The following AVIL variants were observed in gnomAD, a reference collection of about 807,000 sequenced individuals.
AVIL encodes advillin.
In AVIL, 78 loss-of-function variants were observed where a neutral mutation model predicts 109.9. The observed-to-expected ratio is 0.71, with a 90% CI of 0.59 to 0.86. AVIL has a LOEUF of 0.86. Ranked by LOEUF, AVIL falls within the 40% of genes least tolerant of loss-of-function variation. AVIL has a pLI of 0.00. For synonymous variants in AVIL, 367 were observed against 379.1 expected, an observed-to-expected ratio of 0.97 and a Z score of 0.37; for missense variants, 892 against 1,016.5, an observed-to-expected ratio of 0.88 and a Z score of 1.67.
At chr12:57,801,049 C>G (rs1402627108) in intron 18 of AVIL, 95 bp downstream of exon 18, 1 of 996,196 alleles carries the variant, frequency 1.0e-6, no homozygotes, top group African/African-American at 1.6e-5. Context: ...ATACTAAGGA[C>G]ATGAGTTTTG....
Position 57,808,380 on chromosome 12 carries a change from T to TG in AVIL, c.1093+14dup, listed in dbSNP as rs34818124. 1 of 1,614,152 alleles carries TG rather than the reference T, an allele frequency of 6.2e-7. No homozygotes were observed. Among genetic ancestry groups the TG allele is most frequent in the East Asian group, 2.2e-5 (1 of 44,886 alleles). The stretch of plus-strand genomic sequence containing the variant: ...GAGTCTTAGCAATGAGAGGATGATC[T>TG]GGGGGCAGTCTCACCAATTTTACCA... On this transcript the variant is annotated intron_variant, in intron 10 of 19. Transcript: ENST00000549994.
At chr12:57,807,286 T>G in intron 13 of AVIL, 45 bp downstream of exon 13, 4 of 1,613,796 alleles carry the variant, frequency 2.5e-6, no homozygotes, top group Non-Finnish European at 3.4e-6. Context: ...TTTGTTAGTT[T>G]GGAACGTTCC....
chr12:57,801,063 G>T, intron 18 of AVIL, 81 bp downstream of exon 18: 2 of 1,194,530 alleles, frequency 1.7e-6, no homozygotes, highest in Non-Finnish European at 1.2e-6. Flanking sequence ...AGTTTTGCCT[G>T]TGAGCATCTG....
In AVIL at chr12:57,810,556, C is replaced by T. The variant is rs1565836503; in HGVS notation, c.559-5G>A. 1.2e-6 allele frequency: 2 copies of T among 1,612,846 alleles called. No individual in the cohort carries two copies. Among genetic ancestry groups the T allele is most frequent in the South Asian group, 2.2e-5 (2 of 91,022 alleles). On this transcript the variant is annotated splice_region_variant and splice_polypyrimidine_tract_variant and intron_variant, in intron 6 of 19. Coordinates refer to ENST00000549994, the MANE Select transcript of AVIL (RefSeq NM_006576.4). ...ATCCTTTGCCAGAAGCATAGCCTGT[C>T]AAAGAAGCCCAAGGAAGCCCTCAGC...
Position 57,810,895 on chromosome 12 carries a change from C to T in AVIL, c.479G>A (p.Gly160Asp), listed in dbSNP as rs1295862158. ...VEMSWDSFNR[G>D]DVFLLDLGKV... is the part of the protein sequence containing the mutation. ...CCCAAGGTCCAGCAAGAAGACATCACCTCGGTTGAAACTGTCCCAGCTCAT... is the reference window on the plus strand; with the variant it reads ...CCCAAGGTCCAGCAAGAAGACATCATCTCGGTTGAAACTGTCCCAGCTCAT... The change falls in exon 6 of 20, where the codon GGT becomes GAT. Residue 160 changes from glycine (G) to aspartate (D), a missense_variant. Coordinates refer to ENST00000549994, the MANE Select transcript of AVIL (RefSeq NM_006576.4). The T allele has an allele frequency of 6.2e-7, 1 of 1,614,178 alleles. No homozygotes were observed. Among genetic ancestry groups the T allele is most frequent in the Admixed American group, 1.7e-5 (1 of 60,022 alleles).
chr12:57,816,042 A>T lies in AVIL; in HGVS notation c.-2T>A, dbSNP rs1956097934. On this transcript the variant is annotated 5_prime_UTR_variant, in exon 2 of 20. Transcript: ENST00000549994. Reference sequence around the variant, plus strand: ...CCTGAAGGCACTGGTCAGAGGCATGATGCTTGTCTTTCCAGGACTGAAACA... The same window carrying T: ...CCTGAAGGCACTGGTCAGAGGCATGTTGCTTGTCTTTCCAGGACTGAAACA... The T allele has an allele frequency of 6.2e-7, 1 of 1,611,946 alleles. No individual in the cohort carries two copies. Among genetic ancestry groups the T allele is most frequent in the East Asian group, 2.2e-5 (1 of 44,860 alleles).
At chr12:57,803,780 C>T in intron 14 of AVIL, 111 bp from the exon 15 acceptor site, 1 of 1,390,028 alleles carries the variant, frequency 7.2e-7, no homozygotes, top group Non-Finnish European at 9.7e-7. Context: ...GCTACCAAAC[C>T]ACAGTCCCTC....
rs201733211 is a variant in AVIL, at chr12:57,814,206, C to T, written c.87G>A (p.Val29=). The change falls in exon 3 of 20, where the codon GTG becomes GTA. Residue 29 remains valine, a synonymous_variant. Transcript: ENST00000549994. ...AGAAGTTGCCGTGGGCGCTCACAGG[C>T]ACCAGCGCCAGCTCCATTTTCTGGA... ...WRIEKMELAL[V]PVSAHGNFYE... is the part of the protein sequence containing the mutation. The T allele has an allele frequency of 1.1e-4, 182 of 1,613,098 alleles. 1 individual carries two copies. In the East Asian group the frequency reaches 3.9e-3, roughly 34 times the overall value.
chr12:57,815,757 CTGT>C, intron 2 of AVIL: 3 of 1,444,684 alleles, frequency 2.1e-6, no homozygotes, highest in Non-Finnish European at 1.8e-6. Context: ...GTCTGGAGCC[CTGT>C]TCTTCGGGGC....
At chr12:57,804,555 T>C (rs1261033675) in intron 14 of AVIL, 1 of 152,214 alleles carries the variant, frequency 6.6e-6, no homozygotes, top group Non-Finnish European at 1.5e-5. Context: ...CTCCCTACTG[T>C]AATCCCAGCA....
intron 4 of AVIL, among the ~76,000 whole-genome samples, chr12:57,811,481 A>G (rs1368159295): frequency 6.6e-6 from 1 of 152,244 alleles, no homozygotes; most frequent in Admixed American, 6.5e-5. Flanking sequence ...TCTGAATGCC[A>G]GTGTGTTACT....
At chr12:57,807,088 G>C (rs148418533) in intron 13 of AVIL, among the ~76,000 whole-genome samples, 2 of 152,310 alleles carry the variant, frequency 1.3e-5, no homozygotes, top group East Asian at 3.9e-4. Flanking sequence ...TGGTGCACCT[G>C]CATAGGTAAT....
intron 2 of AVIL, chr12:57,815,570 C>T (rs1956092001): frequency 8.0e-7 from 1 of 1,245,572 alleles, no homozygotes; most frequent in Admixed American, 2.9e-5. Flanking sequence ...TCTGCAGTGC[C>T]CCCTCACCTC....
At position 57,813,377 on chromosome 12, in the gene AVIL, A is replaced by G. The variant is rs557033135; in HGVS notation, c.188T>C (p.Ile63Thr). Reference sequence around the variant, plus strand: ...CTCATCCTGGGAGGAGTCCTTCCCGATCCAGAAGTGGATGTCCTGGGATAG... The same window carrying G: ...CTCATCCTGGGAGGAGTCCTTCCCGGTCCAGAAGTGGATGTCCTGGGATAG... The part of the protein sequence containing the change: ...SLLSQDIHFW[I>T]GKDSSQDEQS... Residue 63 changes from isoleucine (I) to threonine (T), a missense_variant, in exon 4 of 20, where the codon ATC (isoleucine) becomes ACC (threonine). Transcript: ENST00000549994. 2.5e-6 allele frequency: 4 copies of G among 1,613,854 alleles called. No individual in the cohort carries two copies. In the South Asian group the frequency reaches 4.4e-5, roughly 18 times the overall value.
intron 18 of AVIL, 114 bp downstream of exon 18, chr12:57,801,030 A>G: frequency 1.3e-6 from 1 of 797,002 alleles, no homozygotes; most frequent in East Asian, 2.5e-5. Flanking sequence ...AAAACAGACA[A>G]CTATGGTAAT....
chr12:57,811,040 T>C lies in AVIL; in HGVS notation c.426A>G (p.Lys142=). The change falls in exon 5 of 20, where the codon AAA becomes AAG. Residue 142 remains lysine, a synonymous_variant. Transcript: ENST00000549994. ...DVKRLLHVKG[K]RNIRATEVEM... ...TAACCTCGGTAGCCCTGATGTTTCT[T>C]TTCCCTTTCACATGTAGCAGCCGCT... is the stretch of plus-strand genomic sequence containing the variant. 6.2e-7 allele frequency: 1 copy of C among 1,614,200 alleles called. No individual in the cohort carries two copies. Among genetic ancestry groups the C allele is most frequent in the Middle Eastern group, 1.6e-4 (1 of 6,062 alleles).
At position 57,797,666 on chromosome 12, in the gene AVIL, C is replaced by T. The variant is rs1955763569; in HGVS notation, c.*216G>A. ...TGCTGAGGCTTTAGCTAGAGGGCCA[C>T]AAAACCCAAAAACTATATGGTTAAC... On this transcript the variant is annotated 3_prime_UTR_variant, in exon 20 of 20. Coordinates refer to ENST00000549994, the MANE Select transcript of AVIL (RefSeq NM_006576.4). The T allele has an allele frequency of 1.3e-6, 1 of 753,244 alleles. No homozygotes were observed. The highest frequency in any genetic ancestry group is 1.9e-5 in the African/African-American group (1 of 53,870). The allele number at this position is 753,244 out of a possible 1,614,324, so 46.7% of individuals were successfully genotyped here. A position where few individuals can be genotyped will look rare whatever the true frequency, so the allele number is the denominator to read the frequency against.
At chr12:57,813,184 G>A (rs1048254502) in intron 4 of AVIL, 43 bp downstream of exon 4, 1 of 1,557,246 alleles carries the variant, frequency 6.4e-7, no homozygotes, top group Admixed American at 1.9e-5. Flanking sequence ...TTCCTCCTCT[G>A]TAAACTGCTG....
In AVIL at chr12:57,815,198, C is replaced by T. The variant is rs1015513416; in HGVS notation, c.66+777G>A. On this transcript the variant is annotated intron_variant, in intron 2 of 19. Coordinates refer to ENST00000549994, the MANE Select transcript of AVIL (RefSeq NM_006576.4). ...CAATCTCCTGACTTCGTGATCCACC[C>T]GCCTCAGCCTCCCAGAGTGCTGGGA... Among the ~76,000 whole-genome samples, 4 of 152,302 alleles carry T rather than the reference C, an allele frequency of 2.6e-5. No homozygotes were observed. In the East Asian group the frequency reaches 5.8e-4, roughly 22 times the overall value.
Sources: allele counts gnomAD v4.1 joint callset (sites outside exome capture counted in the v4.1 genomes callset), GRCh38; gene constraint gnomAD v4.1.1; transcripts MANE v1.5; gene names NCBI Gene and HGNC (gene_info 2026-07-23, HGNC 2026-07-21).